TJP1: variants seen among roughly 807,000 people sequenced by gnomAD.
The protein encoded by TJP1 is tight junction protein 1.
In TJP1, 43 loss-of-function variants were observed where a neutral mutation model predicts 194.2. The ratio of observed to expected loss-of-function variants is 0.22; its 90% CI spans 0.17 to 0.29. TJP1 has a LOEUF of 0.29. Ranked by LOEUF, TJP1 falls within the 10% of genes least tolerant of loss-of-function variation. TJP1 has a pLI of 1.00. For synonymous variants in TJP1, 801 were observed against 779.0 expected (o/e 1.03, Z -0.47); for missense variants, 1,971 against 2,185.7 (o/e 0.90, Z 1.96).
intron 2 of TJP1, among the ~76,000 whole-genome samples, chr15:29,940,752 C>T (rs976408834): frequency 6.6e-6 from 1 of 152,154 alleles, no homozygotes; most frequent in African/African-American, 2.4e-5. Flanking sequence ...GAATGACTTC[C>T]ATAAATCGAC....
At chr15:29,860,816 A>G (rs1174813016) in intron 2 of TJP1, among the ~76,000 whole-genome samples, 1 of 152,180 alleles carries the variant, frequency 6.6e-6, no homozygotes, top group African/African-American at 2.4e-5. Flanking sequence ...CCCTGTATCT[A>G]GCAAGTCGAC....
chr15:29,796,314 G>C (rs1265951633), intron 2 of TJP1, among the ~76,000 whole-genome samples: 1 of 147,316 alleles, frequency 6.8e-6, no homozygotes, highest in Non-Finnish European at 1.5e-5. Context: ...CCTACAACTA[G>C]TAATTTTAAG....
rs527535326 is a variant in TJP1, at chr15:29,785,172, G to C, written c.85-11815C>G. ...TTTTAGCTTCTGGGGATGGAAGAAA[G>C]AGCATCAAAGACTTGCCGTATTTCA... On this transcript the variant is annotated intron_variant, in intron 2 of 27. Coordinates refer to ENST00000614355, the MANE Select transcript of TJP1 (RefSeq NM_001330239.4). Among the ~76,000 whole-genome samples the C allele has an allele frequency of 3.9e-5, 6 of 152,318 alleles. No individual in the cohort carries two copies. In the South Asian group the frequency reaches 1.2e-3, roughly 32 times the overall value.
At chr15:29,930,239 C>T (rs905725465) in intron 2 of TJP1, among the ~76,000 whole-genome samples, 2 of 152,130 alleles carry the variant, frequency 1.3e-5, no homozygotes, top group African/African-American at 4.8e-5. Flanking sequence ...TTATTCCCAA[C>T]TCATATAATG....
At chr15:29,715,605 T>C (rs1222253576) in intron 23 of TJP1, among the ~76,000 whole-genome samples, 1 of 152,184 alleles carries the variant, frequency 6.6e-6, no homozygotes, top group Non-Finnish European at 1.5e-5. Context: ...GACACAATAC[T>C]ATGTGTGATG....
intron 2 of TJP1, among the ~76,000 whole-genome samples, chr15:29,792,694 G>A (rs191113794): frequency 6.6e-6 from 1 of 152,184 alleles, no homozygotes; most frequent in East Asian, 1.9e-4. Context: ...CCTTTGGGTA[G>A]TGTGGACATT....
intron 2 of TJP1, among the ~76,000 whole-genome samples, chr15:29,792,701 C>A (rs1286385655): frequency 6.6e-6 from 1 of 152,118 alleles, no homozygotes; most frequent in African/African-American, 2.4e-5. Flanking sequence ...GTAGTGTGGA[C>A]ATTTTAACAA....
chr15:29,937,652 A>AG (rs2054928152), intron 2 of TJP1, among the ~76,000 whole-genome samples: 1 of 152,186 alleles, frequency 6.6e-6, no homozygotes, highest in Non-Finnish European at 1.5e-5. Context: ...ACCCACTCAA[A>AG]GATATGCAGT....
chr15:29,752,295 G>C (rs1489136362), intron 8 of TJP1, among the ~76,000 whole-genome samples: 1 of 152,108 alleles, frequency 6.6e-6, no homozygotes, highest in Non-Finnish European at 1.5e-5. Context: ...TAGAGACTGG[G>C]TTTCACCATG....
chr15:29,704,830 T>A (rs928236062), intron 26 of TJP1, among the ~76,000 whole-genome samples: 2 of 152,208 alleles, frequency 1.3e-5, no homozygotes, highest in East Asian at 3.8e-4. Flanking sequence ...GCCAACACAG[T>A]CAGTCCTACT....
intron 2 of TJP1, among the ~76,000 whole-genome samples, chr15:29,916,489 T>C (rs1307018430): frequency 6.6e-6 from 1 of 151,576 alleles, no homozygotes; most frequent in Non-Finnish European, 1.5e-5. Context: ...TCATCCTTAA[T>C]TAAAAAAGAA....
chr15:29,949,197 G>C (rs865951986), intron 2 of TJP1, among the ~76,000 whole-genome samples: 1,176 of 42,904 alleles, frequency 0.027, 3 homozygotes, highest in Non-Finnish European at 0.04. Context: ...TCCACCACCA[G>C]CACCTCCACC....
chr15:29,868,579 TA>T (rs1028803054), intron 2 of TJP1, among the ~76,000 whole-genome samples: 3 of 152,072 alleles, frequency 2.0e-5, no homozygotes, highest in Non-Finnish European at 4.4e-5. Context: ...AATAAATATT[TA>T]TGGAAAGGAA....
At chr15:29,794,008 T>C (rs1257359675) in intron 2 of TJP1, among the ~76,000 whole-genome samples, 1 of 152,258 alleles carries the variant, frequency 6.6e-6, no homozygotes, top group Non-Finnish European at 1.5e-5. Context: ...GGAATGAATT[T>C]GGAAGTATTC....
chr15:29,788,630 T>TA (rs1278692756), intron 2 of TJP1, among the ~76,000 whole-genome samples: 1 of 152,172 alleles, frequency 6.6e-6, no homozygotes, highest in Admixed American at 6.5e-5. Context: ...CTCCCTAGTT[T>TA]AAACACTCAC....
chr15:29,938,686 T>C (rs986557440), intron 2 of TJP1, among the ~76,000 whole-genome samples: 3 of 152,244 alleles, frequency 2.0e-5, no homozygotes, highest in Non-Finnish European at 2.9e-5. Context: ...ATTCAAAATA[T>C]CAATTGCTTC....
intron 2 of TJP1, among the ~76,000 whole-genome samples, chr15:29,876,004 A>C (rs1325088979): frequency 6.6e-6 from 1 of 152,216 alleles, no homozygotes; most frequent in Non-Finnish European, 1.5e-5. Context: ...ACACGTGACT[A>C]ATTAAAATTA....
At chr15:29,842,654 G>T (rs1853165452) in intron 2 of TJP1, among the ~76,000 whole-genome samples, 1 of 152,164 alleles carries the variant, frequency 6.6e-6, no homozygotes, top group Non-Finnish European at 1.5e-5. Flanking sequence ...GTAAGAAAAT[G>T]ACATTGAATG....
intron 2 of TJP1, among the ~76,000 whole-genome samples, chr15:29,788,903 T>C (rs569861442): frequency 6.6e-6 from 1 of 152,276 alleles, no homozygotes; most frequent in Admixed American, 6.5e-5. Context: ...CACATGTGGT[T>C]ACCATCTGAA....
Sources: allele counts gnomAD v4.1 joint callset (sites outside exome capture counted in the v4.1 genomes callset), GRCh38; gene constraint gnomAD v4.1.1; transcripts MANE v1.5; gene names NCBI Gene and HGNC (gene_info 2026-07-23, HGNC 2026-07-21).